The following TNIK variants were observed in gnomAD, a reference collection of about 807,000 sequenced individuals.
TNIK encodes the protein TRAF2 and NCK interacting kinase, also known as TRAF2 and NCK-interacting protein kinase.
Under a neutral mutation model 191.3 loss-of-function variants are expected in TNIK, and 49 were observed. The ratio of observed to expected loss-of-function variants is 0.26; its 90% confidence interval spans 0.20 to 0.32. TNIK has a LOEUF of 0.32. Ranked by LOEUF, TNIK falls within the 10% of genes least tolerant of loss-of-function variation. The probability of loss-of-function intolerance (pLI) is 1.00; values close to 1 mark genes in which losing one functional copy is unlikely to be tolerated. For missense variants in TNIK, 1,155 were observed against 1,702.3 expected, an observed-to-expected ratio of 0.68 and a Z score of 5.66; for synonymous variants, 594 against 600.9, an observed-to-expected ratio of 0.99 and a Z score of 0.17.
intron 5 of TNIK, among the ~76,000 whole-genome samples, chr3:171,194,144 ATAACT>A (rs1738379703): frequency 6.6e-6 from 1 of 152,226 alleles, no homozygotes; most frequent in African/African-American, 2.4e-5. Flanking sequence ...TCACAAACAG[ATAACT>A]TAAATGAGTG....
intron 2 of TNIK, among the ~76,000 whole-genome samples, chr3:171,342,049 T>C (rs1757586581): frequency 6.6e-6 from 1 of 152,230 alleles, no homozygotes; most frequent in Non-Finnish European, 1.5e-5. Flanking sequence ...TGGAACAACA[T>C]ATAATAATTT....
At chr3:171,422,970 C>T (rs958694782) in intron 1 of TNIK, among the ~76,000 whole-genome samples, 1 of 152,180 alleles carries the variant, frequency 6.6e-6, no homozygotes, top group African/African-American at 2.4e-5. Context: ...GTTGAACTTT[C>T]CCTTTTTTTA....
chr3:171,299,887 A>G lies in TNIK; in HGVS notation c.123+69733T>C, dbSNP rs925469634. ...TCAACACCTAACGTACAAGGAGACA[A>G]TTTATGGCATTTCATACTTCTGCTA... On this transcript the variant is annotated intron_variant, in intron 2 of 32. Coordinates refer to ENST00000436636, the MANE Select transcript of TNIK (RefSeq NM_015028.4). 3.3e-5 allele frequency among the ~76,000 whole-genome samples: 5 copies of G among 152,338 alleles called. No individual in the cohort carries two copies. In the East Asian group the frequency reaches 9.6e-4, roughly 29 times the overall value.
intron 3 of TNIK, among the ~76,000 whole-genome samples, chr3:171,221,690 A>T (rs988498744): frequency 2.0e-5 from 3 of 152,164 alleles, no homozygotes; most frequent in African/African-American, 7.2e-5. Flanking sequence ...TTGTGATTTC[A>T]GCCTTCAGCC....
chr3:171,244,870 A>G (rs940531167), intron 2 of TNIK, among the ~76,000 whole-genome samples: 3 of 151,366 alleles, frequency 2.0e-5, no homozygotes, highest in African/African-American at 7.3e-5. Context: ...AATAAGGAGT[A>G]TATCATAGGG....
chr3:171,233,478 T>C (rs1185250260), intron 2 of TNIK, among the ~76,000 whole-genome samples: 2 of 152,210 alleles, frequency 1.3e-5, no homozygotes, highest in African/African-American at 4.8e-5. Flanking sequence ...TGTGTATCAA[T>C]CATAGATGCT....
chr3:171,351,201 A>ATT (rs2108438404), intron 2 of TNIK, among the ~76,000 whole-genome samples: 1 of 151,920 alleles, frequency 6.6e-6, no homozygotes, highest in Admixed American at 6.6e-5. Context: ...TGCCCTATGT[A>ATT]TTCTTCATGC....
chr3:171,428,542 A>G (rs943360377), intron 1 of TNIK, among the ~76,000 whole-genome samples: 1 of 152,014 alleles, frequency 6.6e-6, no homozygotes, highest in African/African-American at 2.4e-5. Flanking sequence ...AATCTCTCTT[A>G]ATGCTCGACA....
At chr3:171,411,184 T>C (rs1300217322) in intron 1 of TNIK, among the ~76,000 whole-genome samples, 2 of 152,108 alleles carry the variant, frequency 1.3e-5, no homozygotes, top group Non-Finnish European at 2.9e-5. Flanking sequence ...CCTCCCACCT[T>C]AGCCTCTCAA....
chr3:171,330,614 G>A (rs887580937), intron 2 of TNIK, among the ~76,000 whole-genome samples: 2 of 152,150 alleles, frequency 1.3e-5, no homozygotes, highest in African/African-American at 4.8e-5. Flanking sequence ...AGCTGGAGGA[G>A]GTATAGGGGC....
At chr3:171,338,077 C>T (rs1560447492) in intron 2 of TNIK, among the ~76,000 whole-genome samples, 1 of 152,136 alleles carries the variant, frequency 6.6e-6, no homozygotes, top group Non-Finnish European at 1.5e-5. Flanking sequence ...TCTACGTGGA[C>T]CTATATTTCG....
At chr3:171,101,322 G>C in intron 22 of TNIK, 127 bp downstream of exon 22, 1 of 1,064,222 alleles carries the variant, frequency 9.4e-7, no homozygotes, top group African/African-American at 1.6e-5. Flanking sequence ...AAAAACCCAA[G>C]TCCCGAAAGT....
At chr3:171,196,429 CAG>C (rs922155829) in intron 4 of TNIK, among the ~76,000 whole-genome samples, 45 of 152,176 alleles carry the variant, frequency 3.0e-4, no homozygotes, top group African/African-American at 1.1e-3. Context: ...AAAATAAAAA[CAG>C]AAATCTGAAC....
rs1206416494 is a variant in TNIK at position 171,068,958 on chromosome 3, G to T, written c.3589C>A (p.Leu1197Ile). The T allele has an allele frequency of 6.2e-7, 1 of 1,613,576 alleles. No individual in the cohort carries two copies. Among genetic ancestry groups the T allele is most frequent in the Non-Finnish European group, 8.5e-7 (1 of 1,179,764 alleles). ...DLQHKPLLVDLTVEEGQRLKV... is the reference protein window; with the variant it reads ...DLQHKPLLVDITVEEGQRLKV... Reference sequence around the variant, plus strand: ...AATCTTTGACCTTCTTCTACCGTGAGATCAACTAGCAGAGGCTTGTGCTGG... The same window carrying T: ...AATCTTTGACCTTCTTCTACCGTGATATCAACTAGCAGAGGCTTGTGCTGG... The change falls in exon 30 of 33, where the codon CTC becomes ATC. Residue 1197 changes from leucine (L) to isoleucine (I), a missense_variant. This residue lies in a region of TNIK where 195 missense variants were observed against 415.4 expected (regional missense o/e 0.47). Coordinates refer to ENST00000436636, the MANE Select transcript of TNIK (RefSeq NM_015028.4).
In TNIK at chr3:171,066,533, G is replaced by C. The variant is rs578071924; in HGVS notation, c.3859+43C>G. 9 of 1,542,272 alleles carry C rather than the reference G, an allele frequency of 5.8e-6. No homozygotes were observed. The African/African-American group carries it at 8.1e-5, about 14-fold the overall frequency. Reference sequence around the variant, plus strand: ...ACATTTCTTGATTTTCGTTTCATTTGGGGGGTGTAACTGCTGAAGGAGATA... The same window carrying C: ...ACATTTCTTGATTTTCGTTTCATTTCGGGGGTGTAACTGCTGAAGGAGATA... On this transcript the variant is annotated intron_variant, in intron 31 of 32. Coordinates refer to ENST00000436636, the MANE Select transcript of TNIK (RefSeq NM_015028.4).
intron 4 of TNIK, 30 bp downstream of exon 4, chr3:171,211,086 A>C: frequency 1.9e-6 from 3 of 1,600,320 alleles, no homozygotes; most frequent in Non-Finnish European, 2.5e-6. Context: ...TTTTTATGTA[A>C]ATAAAGCAAA....
At chr3:171,279,971 G>T (rs1750237319) in intron 2 of TNIK, among the ~76,000 whole-genome samples, 1 of 152,124 alleles carries the variant, frequency 6.6e-6, no homozygotes. Flanking sequence ...TAAAGAAAAA[G>T]ATCCATCCAC....
chr3:171,395,821 A>C (rs1435419207), intron 1 of TNIK, among the ~76,000 whole-genome samples: 1 of 152,184 alleles, frequency 6.6e-6, no homozygotes, highest in Non-Finnish European at 1.5e-5. Flanking sequence ...GAACGTTACC[A>C]CTTGGAAATC....
chr3:171,218,962 A>AATATTT (rs993184574), intron 3 of TNIK, among the ~76,000 whole-genome samples: 2 of 129,884 alleles, frequency 1.5e-5, no homozygotes, highest in Non-Finnish European at 3.1e-5. Flanking sequence ...ATAAATATTA[A>AATATTT]ATATTTATAT....
Sources: allele counts gnomAD v4.1 joint callset (sites outside exome capture counted in the v4.1 genomes callset), GRCh38; gene constraint gnomAD v4.1.1; regional missense constraint gnomAD v4.1.1; transcripts MANE v1.5; gene names NCBI Gene and HGNC (gene_info 2026-07-23, HGNC 2026-07-21).